PCDH11X: variants seen among roughly 807,000 people sequenced by gnomAD.
The protein encoded by PCDH11X is protocadherin-11 X-linked.
A neutral mutation model predicts 53.3 loss-of-function variants in PCDH11X; 18 were observed. That is an observed-to-expected ratio of 0.34 (90% CI 0.23 to 0.50). The LOEUF (loss-of-function observed/expected upper bound fraction) is 0.50. Ranked by LOEUF, PCDH11X falls within the 20% of genes least tolerant of loss-of-function variation. The pLI is 0.98. For synonymous variants in PCDH11X, 279 were observed against 393.3 expected (o/e 0.71, Z 3.44); for missense variants, 570 against 1,032.4 (o/e 0.55, Z 6.14).
At chrX:92,108,569 C>T (rs1320829058) in intron 6 of PCDH11X, among the ~76,000 whole-genome samples, 2 of 111,144 alleles carry the variant, frequency 1.8e-5, no homozygotes, top group Non-Finnish European at 3.8e-5. Flanking sequence ...CATTATGGTA[C>T]ACATATAATA....
At chrX:91,945,307 G>A (rs1167837379) in intron 6 of PCDH11X, among the ~76,000 whole-genome samples, 3 of 104,547 alleles carry the variant, frequency 2.9e-5, no homozygotes, top group Non-Finnish European at 5.9e-5. Flanking sequence ...GACAATACTA[G>A]AGTGCCGTGT....
At chrX:92,438,539 T>C (rs1242207634) in intron 9 of PCDH11X, among the ~76,000 whole-genome samples, 1 of 110,782 alleles carries the variant, frequency 9.0e-6, no homozygotes, top group African/African-American at 3.3e-5. Flanking sequence ...TCCTTGTTAC[T>C]TGAAGCATGC....
intron 6 of PCDH11X, among the ~76,000 whole-genome samples, chrX:92,085,262 G>A (rs1281098214): frequency 3.6e-5 from 4 of 110,214 alleles, no homozygotes; most frequent in African/African-American, 1.3e-4. Context: ...ATCTAAATTG[G>A]GTTTCAGTTG....
intron 6 of PCDH11X, among the ~76,000 whole-genome samples, chrX:92,165,338 T>C (rs2065715264): frequency 8.9e-6 from 1 of 111,991 alleles, no homozygotes; most frequent in African/African-American, 3.2e-5. Flanking sequence ...CACAATCCAG[T>C]TTTCCATTTT....
At chrX:92,214,865 A>G (rs1251681190) in intron 7 of PCDH11X, among the ~76,000 whole-genome samples, 2 of 111,091 alleles carry the variant, frequency 1.8e-5, no homozygotes, top group South Asian at 3.8e-4. Flanking sequence ...CATGGGCAGC[A>G]CAGCGAAACC....
intron 9 of PCDH11X, among the ~76,000 whole-genome samples, chrX:92,398,486 C>T (rs184369965): frequency 8.9e-6 from 1 of 111,860 alleles, no homozygotes; most frequent in African/African-American, 3.2e-5. Flanking sequence ...CCATGAATTT[C>T]TTTGTCTGCT....
chrX:92,471,342 A>G (rs2073258770), intron 10 of PCDH11X, among the ~76,000 whole-genome samples: 3 of 106,994 alleles, frequency 2.8e-5, no homozygotes, highest in Admixed American at 1.0e-4. Context: ...TCTCTCATTA[A>G]TAAGTGAGAA....
intron 8 of PCDH11X, among the ~76,000 whole-genome samples, chrX:92,284,553 T>A (rs2522593): frequency 0.052 from 5,875 of 111,995 alleles, 327 homozygotes; most frequent in East Asian, 0.24. Flanking sequence ...AGGGAAATTG[T>A]TATTACTGAC....
chrX:92,491,554 A>G (rs1158521087), intron 10 of PCDH11X, among the ~76,000 whole-genome samples: 1 of 111,065 alleles, frequency 9.0e-6, no homozygotes, highest in Admixed American at 9.6e-5. Context: ...TACCCATCAC[A>G]TACCATAGCT....
At chrX:92,096,308 A>G (rs1466142887) in intron 6 of PCDH11X, among the ~76,000 whole-genome samples, 1 of 110,622 alleles carries the variant, frequency 9.0e-6, no homozygotes, top group African/African-American at 3.3e-5. Context: ...TTCCTTTATG[A>G]TTTAATATAC....
chrX:92,519,033 AT>A, intron 10 of PCDH11X, among the ~76,000 whole-genome samples: 1 of 110,176 alleles, frequency 9.1e-6, no homozygotes, highest in East Asian at 2.9e-4. Flanking sequence ...CTGGAAAAAA[AT>A]TTTTTAAGTT....
intron 9 of PCDH11X, among the ~76,000 whole-genome samples, chrX:92,407,910 G>C (rs1405761073): frequency 1.8e-5 from 2 of 109,376 alleles, no homozygotes; most frequent in African/African-American, 6.7e-5. Context: ...TTTTGAGACG[G>C]AGTCTTGTTC....
chrX:92,425,112 C>A (rs1266656056), intron 9 of PCDH11X, among the ~76,000 whole-genome samples: 4 of 105,358 alleles, frequency 3.8e-5, no homozygotes, highest in African/African-American at 1.0e-4. Flanking sequence ...TCGTTATCAG[C>A]ATAAAAAAGA....
At chrX:92,569,784 G>A (rs777138934) in intron 10 of PCDH11X, 9 of 201,835 alleles carry the variant, frequency 4.5e-5, no homozygotes, top group South Asian at 2.9e-4. Context: ...TTGGGAGGCC[G>A]AGGTGGGCAG....
chrX:91,852,904 TA>T (rs1333426080), intron 5 of PCDH11X, among the ~76,000 whole-genome samples: 19 of 102,373 alleles, frequency 1.9e-4, no homozygotes, highest in African/African-American at 6.8e-4. Flanking sequence ...TTTTGTATTT[TA>T]TAGAAAGATT....
At chrX:92,146,277 T>C (rs2065265281) in intron 6 of PCDH11X, among the ~76,000 whole-genome samples, 1 of 110,452 alleles carries the variant, frequency 9.1e-6, no homozygotes, top group African/African-American at 3.3e-5. Flanking sequence ...ATCTTTCCTT[T>C]CTCCCTGGGA....
intron 6 of PCDH11X, among the ~76,000 whole-genome samples, chrX:91,958,391 G>C (rs930278781): frequency 9.0e-6 from 1 of 111,525 alleles, no homozygotes; most frequent in Non-Finnish European, 1.9e-5. Context: ...TAAAGTTCCT[G>C]GGTGTCTGTG....
At chrX:92,193,688 A>C (rs1199806755) in intron 6 of PCDH11X, among the ~76,000 whole-genome samples, 1 of 111,327 alleles carries the variant, frequency 9.0e-6, no homozygotes, top group African/African-American at 3.2e-5. Context: ...TGCATGAAAT[A>C]TTTCCAAGTG....
intron 6 of PCDH11X, among the ~76,000 whole-genome samples, chrX:91,978,617 C>T (rs991449373): frequency 6.3e-5 from 7 of 110,345 alleles, no homozygotes; most frequent in Admixed American, 3.9e-4. Context: ...TTTCTCCCTA[C>T]TTATATTCTG....
Sources: allele counts gnomAD v4.1 joint callset (sites outside exome capture counted in the v4.1 genomes callset), GRCh38; gene constraint gnomAD v4.1.1; transcripts MANE v1.5; gene names NCBI Gene and HGNC (gene_info 2026-07-23, HGNC 2026-07-21).